C10orf67: variants seen among roughly 807,000 people sequenced by gnomAD.
C10orf67 encodes uncharacterized protein C10orf67, mitochondrial.
A neutral mutation model predicts 35.6 loss-of-function variants in C10orf67; 60 were observed. The ratio of observed to expected loss-of-function variants is 1.68; its 90% CI spans 1.37 to 2.09. C10orf67 has a LOEUF of 2.09. Ranked by LOEUF, C10orf67 falls within the 30% of genes most tolerant of loss-of-function variation. C10orf67 has a pLI of 0.00. For synonymous variants in C10orf67, 167 were observed against 115.8 expected (o/e 1.44, Z -2.84); for missense variants, 474 against 330.2 (o/e 1.44, Z -3.38).
chr10:23,332,871 TGTAA>T (rs1845538798), intron 2 of C10orf67, among the ~76,000 whole-genome samples, 187 bp downstream of exon 2: 1 of 152,208 alleles, frequency 6.6e-6, no homozygotes, highest in South Asian at 2.1e-4. Flanking sequence ...CAAATTAACA[TGTAA>T]GTATGACATA....
intron 15 of C10orf67, among the ~76,000 whole-genome samples, chr10:23,216,563 A>G (rs1357162815): frequency 6.6e-6 from 1 of 152,136 alleles, no homozygotes; most frequent in Non-Finnish European, 1.5e-5. Context: ...CAAATTGAAA[A>G]TCTTCTGAAT....
intron 2 of C10orf67, among the ~76,000 whole-genome samples, chr10:23,327,554 C>T (rs1330097526): frequency 1.3e-5 from 2 of 152,116 alleles, no homozygotes; most frequent in Non-Finnish European, 1.5e-5. Flanking sequence ...TGGCCAGGCA[C>T]GTTGGCTCAC....
At chr10:23,286,142 A>G (rs1273437053) in intron 7 of C10orf67, among the ~76,000 whole-genome samples, 1 of 151,804 alleles carries the variant, frequency 6.6e-6, no homozygotes, top group Non-Finnish European at 1.5e-5. Flanking sequence ...CTGTAATCCT[A>G]ACACTTTGGG....
intron 8 of C10orf67, among the ~76,000 whole-genome samples, chr10:23,268,220 A>G (rs903227582): frequency 6.6e-6 from 1 of 152,206 alleles, no homozygotes; most frequent in African/African-American, 2.4e-5. Flanking sequence ...GCTTGAGTCC[A>G]GGAGTTTGAG....
At chr10:23,275,687 A>G (rs1843167239) in intron 8 of C10orf67, among the ~76,000 whole-genome samples, 1 of 152,124 alleles carries the variant, frequency 6.6e-6, no homozygotes, top group Non-Finnish European at 1.5e-5. Context: ...CCTCAGGACA[A>G]TCAGCTTGGA....
chr10:23,238,995 T>A (rs936654646), intron 13 of C10orf67, among the ~76,000 whole-genome samples: 6 of 152,004 alleles, frequency 3.9e-5, no homozygotes, highest in African/African-American at 1.5e-4. Flanking sequence ...TGAAAAAAAA[T>A]TTCAGAAAGA....
chr10:23,257,282 C>T (rs943635284), intron 10 of C10orf67, among the ~76,000 whole-genome samples: 4 of 152,164 alleles, frequency 2.6e-5, no homozygotes, highest in Non-Finnish European at 2.9e-5. Flanking sequence ...CACAACACTT[C>T]TGAAAGTCTG....
chr10:23,314,964 T>A (rs2132317657), intron 4 of C10orf67, among the ~76,000 whole-genome samples: 1 of 152,324 alleles, frequency 6.6e-6, no homozygotes, highest in East Asian at 1.9e-4. Context: ...CCTTAACTGG[T>A]CTCCAGAGGG....
chr10:23,342,217 G>GCC (rs1554819307), intron 1 of C10orf67, among the ~76,000 whole-genome samples: 2 of 93,664 alleles, frequency 2.1e-5, no homozygotes, highest in South Asian at 3.8e-4. Context: ...CTCCCCACTT[G>GCC]CCACACACAC....
chr10:23,267,216 C>T lies in C10orf67; in HGVS notation c.1014G>A (p.Lys338=), dbSNP rs1564480078. 1 of 716,110 alleles carries T rather than the reference C, an allele frequency of 1.4e-6. No individual in the cohort carries two copies. Among genetic ancestry groups the T allele is most frequent in the Admixed American group, 2.0e-5 (1 of 49,834 alleles). 44.4% of individuals were successfully genotyped at this position (716,110 alleles called of 1,614,324 possible). A position where few individuals can be genotyped will look rare whatever the true frequency, so the allele number is the denominator to read the frequency against. ...KQKEDKEMRK[K]YGSLSVKVAR... Reference sequence around the variant, plus strand: ...AAACCTTTACACTTAAGCTGCCATACTTTTTTCTCATTTCCTTGTCCTCTT... The same window carrying T: ...AAACCTTTACACTTAAGCTGCCATATTTTTTTCTCATTTCCTTGTCCTCTT... The change falls in exon 9 of 16, where the codon AAG becomes AAA. Residue 338 remains lysine (K), a synonymous_variant. Transcript: ENST00000636213.
chr10:23,330,200 G>A (rs1381174585), intron 2 of C10orf67, among the ~76,000 whole-genome samples: 1 of 152,252 alleles, frequency 6.6e-6, no homozygotes, highest in Admixed American at 6.5e-5. Flanking sequence ...GCTCATGCCT[G>A]TATTCCCGAC....
intron 4 of C10orf67, 42 bp downstream of exon 4, chr10:23,320,699 C>A (rs1455708219): frequency 6.8e-7 from 1 of 1,472,106 alleles, no homozygotes; most frequent in Non-Finnish European, 9.3e-7. Flanking sequence ...GCAGCTGAAG[C>A]TAGCCTTGCC....
Position 23,344,678 on chromosome 10 carries a change from T to C in C10orf67, c.97A>G (p.Thr33Ala). Residue 33 changes from threonine to alanine, a missense_variant, in exon 1 of 16, where the codon ACA becomes GCA. Thr to Ala is a moderately conservative substitution (Grantham distance 58). Coordinates refer to ENST00000636213, the MANE Select transcript of C10orf67 (RefSeq NM_001371909.1). ...FSSSLRGTFG[T>A]RWEAMKAKAT... The stretch of plus-strand genomic sequence containing the variant: ...TTGGCTTTCATGGCCTCCCAGCGTG[T>C]GCCAAAGGTCCCCCTCAAGGAGGAG... 1.9e-6 allele frequency: 3 copies of C among 1,579,460 alleles called. No individual in the cohort carries two copies. Among genetic ancestry groups the C allele is most frequent in the Non-Finnish European group, 2.6e-6 (3 of 1,163,084 alleles).
In C10orf67 at chr10:23,341,914, G is replaced by A. The variant is rs542335816; in HGVS notation, c.206+2655C>T. On this transcript the variant is annotated intron_variant, in intron 1 of 15. Transcript: ENST00000636213. ...AGGCCGGGTATGGTGGCTCATGCCT[G>A]TAATCCCAGTACTTTGGGAGGCCGA... Among the ~76,000 whole-genome samples, 141 of 152,170 alleles carry A rather than the reference G, an allele frequency of 9.3e-4. 1 individual carries two copies. The highest frequency in any genetic ancestry group is 4.7e-3 in the Admixed American group (72 of 15,272).
chr10:23,251,853 C>G (rs1175108192), intron 10 of C10orf67, among the ~76,000 whole-genome samples: 1 of 152,054 alleles, frequency 6.6e-6, no homozygotes, highest in Non-Finnish European at 1.5e-5. Context: ...TAATGCATAA[C>G]AATGTGGATT....
rs1588567393 is a variant in C10orf67 at position 23,204,081 on chromosome 10, G to A, written c.*92C>T. The stretch of plus-strand genomic sequence containing the variant: ...ACAATTAGTTTAGAAAATCCTTGGA[G>A]ATAGTATCCTTTCCGAGGGAGGCAC... On this transcript the variant is annotated 3_prime_UTR_variant, in exon 16 of 16. Coordinates refer to ENST00000636213, the MANE Select transcript of C10orf67 (RefSeq NM_001371909.1). 4 of 450,272 alleles carry A rather than the reference G, an allele frequency of 8.9e-6. No homozygotes were observed. Among genetic ancestry groups the A allele is most frequent in the Non-Finnish European group, 1.6e-5 (4 of 245,880 alleles). The allele number at this position is 450,272 out of a possible 1,614,324, so 27.9% of individuals were successfully genotyped here.
intron 15 of C10orf67, among the ~76,000 whole-genome samples, chr10:23,213,647 C>A (rs566264395): frequency 9.2e-5 from 14 of 152,218 alleles, no homozygotes; most frequent in Admixed American, 7.8e-4. Context: ...AATGATACTT[C>A]TAAACATACA....
chr10:23,305,679 AG>A, intron 4 of C10orf67, among the ~76,000 whole-genome samples: 1 of 152,322 alleles, frequency 6.6e-6, no homozygotes, highest in East Asian at 1.9e-4. Context: ...AGAGATAACA[AG>A]TATTGGCAAC....
intron 10 of C10orf67, among the ~76,000 whole-genome samples, chr10:23,251,068 G>C (rs544592151): frequency 6.6e-6 from 1 of 152,252 alleles, no homozygotes; most frequent in Admixed American, 6.5e-5. Flanking sequence ...CTGCACTCCA[G>C]CCTGGATGAC....
Sources: gnomAD v4.1 joint callset for allele counts (sites outside exome capture counted in the v4.1 genomes callset) on GRCh38, gnomAD v4.1.1 for gene constraint, MANE v1.5 for transcripts, NCBI Gene and HGNC (gene_info 2026-07-23, HGNC 2026-07-21) for gene names.